Variants in RAI14 observed in about 807,000 individuals in gnomAD.
RAI14 encodes the protein retinoic acid induced 14.
Under a neutral mutation model 115.4 loss-of-function variants are expected in RAI14, and 45 were observed. The observed-to-expected ratio is 0.39, with a 90% confidence interval of 0.31 to 0.50. The LOEUF is 0.50. Among genes scored for constraint, RAI14 ranks in the 20% least tolerant of loss-of-function variants. The probability of loss-of-function intolerance (pLI) is 0.85; values close to 1 mark genes in which losing one functional copy is unlikely to be tolerated. For missense variants in RAI14, 939 were observed against 1,131.2 expected (o/e 0.83, Z 2.44); for synonymous variants, 371 against 415.4 (o/e 0.89, Z 1.30).
chr5:34,669,930 C>T (rs1743502108), intron 1 of RAI14, among the ~76,000 whole-genome samples: 1 of 152,190 alleles, frequency 6.6e-6, no homozygotes, highest in African/African-American at 2.4e-5. Flanking sequence ...CTGTTATTGA[C>T]TTTGTATCTT....
intron 1 of RAI14, among the ~76,000 whole-genome samples, chr5:34,668,068 A>G (rs1172405637): frequency 6.6e-6 from 1 of 152,176 alleles, no homozygotes; most frequent in Non-Finnish European, 1.5e-5. Context: ...CAGGAGGCTC[A>G]TGGACAACCG....
chr5:34,703,070 C>T (rs1202215786), intron 2 of RAI14, among the ~76,000 whole-genome samples: 1 of 152,070 alleles, frequency 6.6e-6, no homozygotes, highest in Non-Finnish European at 1.5e-5. Flanking sequence ...CAAAGTGTAA[C>T]CCAGATGTTG....
chr5:34,803,224 G>A (rs912009930), intron 4 of RAI14, among the ~76,000 whole-genome samples: 1 of 152,196 alleles, frequency 6.6e-6, no homozygotes, highest in African/African-American at 2.4e-5. Flanking sequence ...ATAGGGCATG[G>A]GGGATGCTCG....
intron 3 of RAI14, among the ~76,000 whole-genome samples, chr5:34,761,370 T>C (rs189209884): frequency 7.4e-4 from 112 of 152,122 alleles, no homozygotes; most frequent in African/African-American, 2.6e-3. Flanking sequence ...TTTTGTTTTG[T>C]TTTGTTTTGT....
At chr5:34,793,261 A>G (rs1322032204) in intron 3 of RAI14, among the ~76,000 whole-genome samples, 3 of 152,216 alleles carry the variant, frequency 2.0e-5, no homozygotes, top group African/African-American at 4.8e-5. Context: ...GCATTTCCCA[A>G]ATCATTTGTA....
At chr5:34,780,293 C>T (rs893984629) in intron 3 of RAI14, among the ~76,000 whole-genome samples, 1 of 152,094 alleles carries the variant, frequency 6.6e-6, no homozygotes, top group African/African-American at 2.4e-5. Context: ...TAGGCAATAC[C>T]ATTCAGGACA....
At chr5:34,792,997 G>A (rs2150198733) in intron 3 of RAI14, among the ~76,000 whole-genome samples, 1 of 152,212 alleles carries the variant, frequency 6.6e-6, no homozygotes, top group African/African-American at 2.4e-5. Context: ...AATGGGAGAG[G>A]GAGGACAAAA....
chr5:34,797,058 C>G (rs1753626031), intron 4 of RAI14, among the ~76,000 whole-genome samples: 2 of 152,172 alleles, frequency 1.3e-5, no homozygotes, highest in African/African-American at 4.8e-5. Flanking sequence ...GAAGGAGCCC[C>G]TGGGGTCTCC....
intron 3 of RAI14, among the ~76,000 whole-genome samples, chr5:34,769,851 C>T (rs181789424): frequency 2.6e-5 from 4 of 152,258 alleles, no homozygotes; most frequent in South Asian, 2.1e-4. Context: ...CTCAGCCTCA[C>T]GAGTAGCTGG....
chr5:34,756,563 T>G (rs114746427), intron 2 of RAI14, among the ~76,000 whole-genome samples: 12,848 of 152,042 alleles, frequency 0.085, 716 homozygotes, highest in Middle Eastern at 0.14. Context: ...CTCAACATCT[T>G]TCCTTCCTCC....
intron 3 of RAI14, among the ~76,000 whole-genome samples, chr5:34,781,575 A>T (rs1324291620): frequency 6.6e-6 from 1 of 152,222 alleles, no homozygotes; most frequent in Non-Finnish European, 1.5e-5. Flanking sequence ...TCATCTCTTA[A>T]ATTTTGCAGA....
intron 12 of RAI14, among the ~76,000 whole-genome samples, chr5:34,817,790 A>C (rs1580356028): frequency 1.3e-5 from 2 of 152,210 alleles, no homozygotes; most frequent in Admixed American, 1.3e-4. Flanking sequence ...AATGTGAAAA[A>C]AAGAGTTGTG....
intron 1 of RAI14, among the ~76,000 whole-genome samples, chr5:34,667,659 T>C (rs1743321382): frequency 1.3e-5 from 2 of 152,162 alleles, no homozygotes; most frequent in African/African-American, 4.8e-5. Context: ...CTACTTTTGA[T>C]TTTTGAGGAA....
At chr5:34,660,073 G>T (rs1007932488) in intron 1 of RAI14, among the ~76,000 whole-genome samples, 21 of 152,088 alleles carry the variant, frequency 1.4e-4, no homozygotes, top group African/African-American at 4.6e-4. Context: ...CTACTCAGGA[G>T]GCTGAGGTGG....
chr5:34,679,649 C>T (rs1176276159), intron 1 of RAI14, among the ~76,000 whole-genome samples: 1 of 152,112 alleles, frequency 6.6e-6, no homozygotes, highest in Non-Finnish European at 1.5e-5. Flanking sequence ...AAATGGTCAG[C>T]ATCTTCAGGT....
At chr5:34,661,736 G>A (rs1742701661) in intron 1 of RAI14, among the ~76,000 whole-genome samples, 1 of 152,140 alleles carries the variant, frequency 6.6e-6, no homozygotes, top group South Asian at 2.1e-4. Context: ...CGATGAATGT[G>A]GAAGATGCAT....
At chr5:34,700,194 G>A (rs1200351256) in intron 2 of RAI14, among the ~76,000 whole-genome samples, 1 of 152,198 alleles carries the variant, frequency 6.6e-6, no homozygotes, top group Non-Finnish European at 1.5e-5. Context: ...GCTTGTGAAG[G>A]TTTGGTGCAC....
chr5:34,768,352 A>G (rs1260585020), intron 3 of RAI14, among the ~76,000 whole-genome samples: 2 of 152,190 alleles, frequency 1.3e-5, no homozygotes, highest in African/African-American at 2.4e-5. Context: ...TGATAATTCG[A>G]TAACAGAAAT....
intron 5 of RAI14, among the ~76,000 whole-genome samples, chr5:34,806,659 G>C (rs1343418201): frequency 4.6e-5 from 7 of 152,058 alleles, no homozygotes; most frequent in African/African-American, 1.7e-4. Context: ...TGAATCGCTG[G>C]TTTCTGGCTC....
Sources: allele counts gnomAD v4.1 joint callset (sites outside exome capture counted in the v4.1 genomes callset), GRCh38; gene constraint gnomAD v4.1.1; transcripts MANE v1.5; gene names NCBI Gene and HGNC (gene_info 2026-07-23, HGNC 2026-07-21).